The following CUX2 variants were observed in gnomAD, a reference collection of about 807,000 sequenced individuals.
CUX2 encodes the protein cut like homeobox 2.
A neutral mutation model predicts 144.8 loss-of-function variants in CUX2; 40 were observed. The ratio of observed to expected loss-of-function variants is 0.28; its 90% CI spans 0.21 to 0.36. CUX2 has a LOEUF of 0.36. CUX2 is among the 10% of genes least tolerant of loss of function. The pLI is 1.00. For missense variants in CUX2, 1,615 were observed against 1,994.0 expected (o/e 0.81, Z 3.62); for synonymous variants, 827 against 875.6 (o/e 0.94, Z 0.98).
intron 1 of CUX2, among the ~76,000 whole-genome samples, chr12:111,213,909 G>T (rs1336041478): frequency 6.6e-6 from 1 of 151,300 alleles, no homozygotes; most frequent in Non-Finnish European, 1.5e-5. Context: ...GGGGGTGGGG[G>T]GAAGAGATGG....
intron 1 of CUX2, among the ~76,000 whole-genome samples, chr12:111,067,007 T>C (rs73413519): frequency 0.074 from 11,340 of 152,216 alleles, 1,391 homozygotes; most frequent in African/African-American, 0.26. Flanking sequence ...TATGAGTCTG[T>C]TTCTCATGAT....
At chr12:111,244,217 G>A (rs948632345) in intron 3 of CUX2, among the ~76,000 whole-genome samples, 1 of 152,144 alleles carries the variant, frequency 6.6e-6, no homozygotes, top group Admixed American at 6.5e-5. Context: ...GCTGTAGGGT[G>A]AACCCAGAAG....
chr12:111,347,644 C>T lies in CUX2; in HGVS notation c.3780C>T (p.Ser1260=), dbSNP rs780125845. ...GHSHPDPTPQ[S]PDSETEDQKP... ...CCCACCCAGACCCCACCCCGCAGAG[C>T]CCTGACTCTGAGACTGAGGACCAGA... is the stretch of plus-strand genomic sequence containing the variant. Residue 1260 remains serine (S), a synonymous_variant, in exon 22 of 22, where the codon AGC becomes AGT. Coordinates refer to ENST00000261726, the MANE Select transcript of CUX2 (RefSeq NM_015267.4). 6.2e-7 allele frequency: 1 copy of T among 1,611,570 alleles called. No individual in the cohort carries two copies. Among genetic ancestry groups the T allele is most frequent in the Non-Finnish European group, 8.5e-7 (1 of 1,178,138 alleles).
chr12:111,151,118 G>A (rs972894343), intron 1 of CUX2, among the ~76,000 whole-genome samples: 2 of 152,210 alleles, frequency 1.3e-5, no homozygotes, highest in Non-Finnish European at 2.9e-5. Context: ...CACTCCGGCT[G>A]TACTAACTGG....
In CUX2 at chr12:111,155,929, A is replaced by T. The variant is rs58456059; in HGVS notation, c.64-58271A>T. 2.7e-4 allele frequency among the ~76,000 whole-genome samples: 39 copies of T among 145,976 alleles called. No homozygotes were observed. In the East Asian group the frequency reaches 2.9e-3, roughly 11 times the overall value. ...CCTGAAACAGCTTAAAAAATAAAAA[A>T]AAAAAATAAAAATAAAAACCAGCCA... On this transcript the variant is annotated intron_variant, in intron 1 of 21. Transcript: ENST00000261726.
At chr12:111,283,325 G>A (rs748786135) in intron 4 of CUX2, among the ~76,000 whole-genome samples, 20 of 152,076 alleles carry the variant, frequency 1.3e-4, no homozygotes, top group Non-Finnish European at 2.6e-4. Flanking sequence ...TGGTACAACC[G>A]TCTGTTCCAG....
intron 1 of CUX2, among the ~76,000 whole-genome samples, chr12:111,148,707 G>T (rs754434485): frequency 8.5e-5 from 13 of 152,134 alleles, no homozygotes; most frequent in Non-Finnish European, 1.6e-4. Context: ...TTAAGAAGTA[G>T]GTAAGGGGCT....
chr12:111,078,847 T>C (rs1871690143), intron 1 of CUX2, among the ~76,000 whole-genome samples: 1 of 152,014 alleles, frequency 6.6e-6, no homozygotes, highest in Non-Finnish European at 1.5e-5. Context: ...TGAGTGATGA[T>C]GGTGGCTTAA....
At chr12:111,092,604 C>T (rs1369177018) in intron 1 of CUX2, among the ~76,000 whole-genome samples, 2 of 152,144 alleles carry the variant, frequency 1.3e-5, no homozygotes, top group Non-Finnish European at 2.9e-5. Flanking sequence ...AGGGCTGGAT[C>T]TGCTGCCTCC....
Position 111,327,711 on chromosome 12 carries a change from C to T in CUX2, c.2926+5131C>T, listed in dbSNP as rs141079787. On this transcript the variant is annotated intron_variant, in intron 18 of 21. Transcript: ENST00000261726. ...AGCGGCTAGGAGGTGGGACCATGCA[C>T]GGCCTGGGAAGGGATGTGAGTAGAG... 3.3e-3 allele frequency among the ~76,000 whole-genome samples: 501 copies of T among 152,210 alleles called. 4 individuals carry two copies. Among genetic ancestry groups the T allele is most frequent in the African/African-American group, 0.011 (467 of 41,534 alleles).
intron 1 of CUX2, among the ~76,000 whole-genome samples, chr12:111,146,221 C>T (rs1188765125): frequency 1.3e-5 from 2 of 152,158 alleles, no homozygotes; most frequent in South Asian, 2.1e-4. Context: ...TGACATTAGG[C>T]TTCACTGTTG....
At chr12:111,340,825 A>G (rs924511881) in intron 20 of CUX2, among the ~76,000 whole-genome samples, 4 of 152,130 alleles carry the variant, frequency 2.6e-5, no homozygotes, top group African/African-American at 9.7e-5. Flanking sequence ...CTTTTTCCAC[A>G]AGTTACTTCC....
At chr12:111,326,513 T>C (rs1887827657) in intron 18 of CUX2, among the ~76,000 whole-genome samples, 1 of 151,936 alleles carries the variant, frequency 6.6e-6, no homozygotes, top group Non-Finnish European at 1.5e-5. Context: ...TTTTGGTTTT[T>C]TGAGACATAG....
At chr12:111,109,587 A>G (rs951530195) in intron 1 of CUX2, among the ~76,000 whole-genome samples, 1 of 151,900 alleles carries the variant, frequency 6.6e-6, no homozygotes, top group Non-Finnish European at 1.5e-5. Context: ...TCAGTCTTGG[A>G]CTCAGGCTTT....
At chr12:111,233,549 G>T (rs946575037) in intron 3 of CUX2, among the ~76,000 whole-genome samples, 21 of 152,142 alleles carry the variant, frequency 1.4e-4, no homozygotes, top group African/African-American at 5.1e-4. Context: ...CCTGCCCTGA[G>T]ACCCAGGGAC....
At chr12:111,113,996 G>A (rs1349205690) in intron 1 of CUX2, among the ~76,000 whole-genome samples, 1 of 152,220 alleles carries the variant, frequency 6.6e-6, no homozygotes, top group African/African-American at 2.4e-5. Context: ...CCTGGTGAAA[G>A]ATGTTCAAGT....
chr12:111,180,259 A>T (rs763860051), intron 1 of CUX2, among the ~76,000 whole-genome samples: 4 of 151,780 alleles, frequency 2.6e-5, no homozygotes, highest in Non-Finnish European at 4.4e-5. Flanking sequence ...TTCCCTCACT[A>T]CTTCCTCCCT....
chr12:111,122,637 CA>C (rs1874760006), intron 1 of CUX2, among the ~76,000 whole-genome samples: 1 of 152,212 alleles, frequency 6.6e-6, no homozygotes, highest in Non-Finnish European at 1.5e-5. Context: ...TTGGCGTCTG[CA>C]AGGCTGGCCC....
At position 111,292,714 on chromosome 12, in the gene CUX2, T is replaced by C. The variant is rs191521919; in HGVS notation, c.437-732T>C. On this transcript the variant is annotated intron_variant, in intron 5 of 21. Coordinates refer to ENST00000261726, the MANE Select transcript of CUX2 (RefSeq NM_015267.4). ...CAAATTGGTAGAGACAGAAAGGAGA[T>C]TGGTCGTTGCCTAGGGCTGCAGGAA... Among the ~76,000 whole-genome samples the C allele has an allele frequency of 3.3e-4, 51 of 152,280 alleles. 2 individuals carry two copies. Among genetic ancestry groups the C allele is most frequent in the Admixed American group, 2.7e-3 (41 of 15,286 alleles).
Sources: allele counts gnomAD v4.1 joint callset (sites outside exome capture counted in the v4.1 genomes callset), GRCh38; gene constraint gnomAD v4.1.1; transcripts MANE v1.5; gene names NCBI Gene and HGNC (gene_info 2026-07-23, HGNC 2026-07-21).